The following NRG1 variants were observed in gnomAD, a reference collection of about 807,000 sequenced individuals.
The protein encoded by NRG1 is pro-neuregulin-1, membrane-bound isoform.
Under a neutral mutation model 63.8 loss-of-function variants are expected in NRG1, and 18 were observed. The observed-to-expected ratio is 0.28, with a 90% confidence interval of 0.19 to 0.42. The LOEUF (loss-of-function observed/expected upper bound fraction) is 0.42. Ranked by LOEUF, NRG1 falls within the 10% of genes least tolerant of loss-of-function variation. NRG1 has a pLI of 1.00. For missense variants in NRG1, 762 were observed against 814.7 expected (o/e 0.94, Z 0.79); for synonymous variants, 302 against 301.3 (o/e 1.00, Z -0.02).
intron 1 of NRG1, among the ~76,000 whole-genome samples, chr8:32,560,595 G>A (rs1836204033): frequency 6.6e-6 from 1 of 152,212 alleles, no homozygotes; most frequent in Non-Finnish European, 1.5e-5. Context: ...GAAAGTATGA[G>A]TGCAATTCAG....
intron 1 of NRG1, among the ~76,000 whole-genome samples, chr8:31,760,450 T>A (rs1817419602): frequency 6.6e-6 from 1 of 152,056 alleles, no homozygotes; most frequent in Non-Finnish European, 1.5e-5. Flanking sequence ...AATTGACAAA[T>A]GGGATCTAAT....
chr8:31,844,784 G>T (rs1446579176), intron 1 of NRG1, among the ~76,000 whole-genome samples: 1 of 143,396 alleles, frequency 7.0e-6, no homozygotes, highest in Non-Finnish European at 1.6e-5. Flanking sequence ...CCAATGGCTT[G>T]GTGAATTTTT....
chr8:32,768,656 T>G (rs1388741725), downstream of NRG1, among the ~76,000 whole-genome samples: 1 of 152,238 alleles, frequency 6.6e-6, no homozygotes, highest in East Asian at 1.9e-4. Flanking sequence ...CTTTTCTTAC[T>G]GCAATTAACC....
intron 1 of NRG1, among the ~76,000 whole-genome samples, chr8:32,430,543 G>A (rs1817992543): frequency 6.6e-6 from 1 of 152,120 alleles, no homozygotes; most frequent in South Asian, 2.1e-4. Context: ...TTCAGACTTA[G>A]GCCTGAGCTG....
chr8:32,179,187 TAAAAAAAA>T (rs35411561), intron 1 of NRG1, among the ~76,000 whole-genome samples: 2 of 66,516 alleles, frequency 3.0e-5, no homozygotes, highest in African/African-American at 1.3e-4. Flanking sequence ...CTCACAGTCA[TAAAAAAAA>T]AAAAAAAAAA....
intron 1 of NRG1, among the ~76,000 whole-genome samples, chr8:32,342,854 G>A (rs1009080953): frequency 2.6e-5 from 4 of 152,122 alleles, no homozygotes; most frequent in African/African-American, 9.7e-5. Flanking sequence ...AGGTGTCACC[G>A]TGGTCCACTT....
intron 1 of NRG1, among the ~76,000 whole-genome samples, chr8:31,751,865 G>T (rs1816508210): frequency 2.6e-5 from 4 of 151,964 alleles, no homozygotes; most frequent in Admixed American, 2.0e-4. Flanking sequence ...GGATGGGGGT[G>T]CCGTTTATGG....
rs571306013 is a variant in NRG1, at chr8:31,644,020, A to T, written c.37+4589A>T. 4.6e-5 allele frequency among the ~76,000 whole-genome samples: 7 copies of T among 152,364 alleles called. 1 individual carries two copies. In the South Asian group the frequency reaches 1.4e-3, roughly 32 times the overall value. On this transcript the variant is annotated intron_variant, in intron 1 of 10. Transcript: ENST00000519301. ...AACATCTTTATCAAATATTTATGAT[A>T]CATAGCACTTGCTCTTTTTAATATC... is the stretch of plus-strand genomic sequence containing the variant.
At chr8:32,417,365 G>T (rs1816066094) in intron 1 of NRG1, among the ~76,000 whole-genome samples, 2 of 152,106 alleles carry the variant, frequency 1.3e-5, no homozygotes, top group South Asian at 4.1e-4. Flanking sequence ...ATAAGATACT[G>T]CTGCAGGTAT....
intron 1 of NRG1, among the ~76,000 whole-genome samples, chr8:31,761,015 C>A (rs1030993002): frequency 3.3e-5 from 5 of 152,064 alleles, no homozygotes; most frequent in Non-Finnish European, 7.3e-5. Context: ...ATGTTTATTG[C>A]GGCACTATTC....
chr8:31,693,510 G>A (rs992213082), intron 1 of NRG1, among the ~76,000 whole-genome samples: 319 of 136,694 alleles, frequency 2.3e-3, no homozygotes, highest in African/African-American at 8.9e-3. Context: ...AAAAAAAAAA[G>A]AATGCCTAGC....
intron 1 of NRG1, among the ~76,000 whole-genome samples, chr8:31,764,594 C>T (rs1817869974): frequency 6.6e-6 from 1 of 151,978 alleles, no homozygotes; most frequent in South Asian, 2.1e-4. Flanking sequence ...TTAGAATAAT[C>T]TATATATACA....
rs866627519 is a variant in NRG1, at chr8:32,517,420, C to T, written c.38-78408C>T. ...TACCTTCTAAGTGGTACATGTGGGG[C>T]GGCCAGCAGAAGAAGATTTTGTATT... On this transcript the variant is annotated intron_variant, in intron 1 of 10. Transcript: ENST00000519301. 2.0e-5 allele frequency among the ~76,000 whole-genome samples: 3 copies of T among 152,000 alleles called. 1 individual carries two copies. The highest frequency in any genetic ancestry group is 4.2e-4 in the South Asian group (2 of 4,818).
chr8:32,500,360 G>A (rs1019761681), intron 1 of NRG1, among the ~76,000 whole-genome samples: 71 of 152,052 alleles, frequency 4.7e-4, no homozygotes, highest in African/African-American at 1.4e-3. Flanking sequence ...TGAGTTTCCC[G>A]GGCCTGCCAG....
chr8:32,682,163 A>T (rs975999637), intron 5 of NRG1, among the ~76,000 whole-genome samples: 1 of 152,134 alleles, frequency 6.6e-6, no homozygotes, highest in Admixed American at 6.6e-5. Context: ...TTGTGTAATT[A>T]TTTTTTGTAG....
At chr8:31,712,155 C>CT (rs371527473) in intron 1 of NRG1, among the ~76,000 whole-genome samples, 152 of 148,328 alleles carry the variant, frequency 1.0e-3, no homozygotes, top group East Asian at 3.7e-3. Context: ...TTTTCTGTAG[C>CT]TTTTTTTTAT....
chr8:31,902,406 A>C (rs376399681), intron 1 of NRG1, among the ~76,000 whole-genome samples: 3 of 152,208 alleles, frequency 2.0e-5, no homozygotes, highest in East Asian at 3.9e-4. Flanking sequence ...TTATTGGGTC[A>C]TCTTGTACAC....
intron 1 of NRG1, among the ~76,000 whole-genome samples, chr8:32,062,008 A>G (rs1218708582): frequency 6.6e-6 from 1 of 152,108 alleles, no homozygotes; most frequent in African/African-American, 2.4e-5. Context: ...AGAGAAAGCA[A>G]AATTCTAAAA....
intron 1 of NRG1, among the ~76,000 whole-genome samples, chr8:32,417,192 GGT>G (rs1348831622): frequency 6.6e-6 from 1 of 152,070 alleles, no homozygotes; most frequent in East Asian, 1.9e-4. Flanking sequence ...GTCTATTGGG[GGT>G]GTGCCTTCTA....
Sources: allele counts gnomAD v4.1 joint callset (sites outside exome capture counted in the v4.1 genomes callset), GRCh38; gene constraint gnomAD v4.1.1; transcripts MANE v1.5; gene names NCBI Gene and HGNC (gene_info 2026-07-23, HGNC 2026-07-21).